The following SPOP variants were observed in gnomAD, a reference collection of about 807,000 sequenced individuals.
The protein encoded by SPOP is speckle type BTB/POZ protein.
In SPOP, 11 loss-of-function variants were observed where a neutral mutation model predicts 45.6. The observed-to-expected ratio is 0.24, with a 90% CI of 0.15 to 0.40. The LOEUF (loss-of-function observed/expected upper bound fraction) is 0.40. SPOP is among the 10% of genes least tolerant of loss of function. The pLI, the probability that SPOP is intolerant of heterozygous loss-of-function variation, is 1.00. For synonymous variants in SPOP, 166 were observed against 166.3 expected (o/e 1.00, Z 0.01); for missense variants, 152 against 465.6 (o/e 0.33, Z 6.20).
chr17:49,670,579 A>AT (rs1163330257), intron 1 of SPOP, among the ~76,000 whole-genome samples: 1 of 152,164 alleles, frequency 6.6e-6, no homozygotes, highest in Non-Finnish European at 1.5e-5. Context: ...CTAACAAAAC[A>AT]TTTTTTGCTA....
rs932403911 is a variant in SPOP, at chr17:49,622,629, T to C, written c.78+104A>G. 21 of 986,594 alleles carry C rather than the reference T, an allele frequency of 2.1e-5. 1 individual carries two copies. Among genetic ancestry groups the C allele is most frequent in the Non-Finnish European group, 2.7e-5 (17 of 625,544 alleles). The allele number at this position is 986,594 out of a possible 1,614,324, so 61.1% of individuals were successfully genotyped here. On this transcript the variant is annotated intron_variant, in intron 2 of 9. Coordinates refer to ENST00000504102, the MANE Select transcript of SPOP (RefSeq NM_001007228.2). ...ATCTATCTGCTCTTTGGCAGTTATG[T>C]TCCAGAGAAAGCAAGAAGCCCAATG...
At chr17:49,609,419 G>T (rs553357582) in intron 6 of SPOP, among the ~76,000 whole-genome samples, 1 of 152,196 alleles carries the variant, frequency 6.6e-6, no homozygotes, top group South Asian at 2.1e-4. Context: ...AAAGCAGCCA[G>T]GTCTTGAGGG....
At chr17:49,615,464 T>A (rs2072065410) in intron 5 of SPOP, among the ~76,000 whole-genome samples, 1 of 152,188 alleles carries the variant, frequency 6.6e-6, no homozygotes, top group Non-Finnish European at 1.5e-5. Context: ...AAATTTAAAA[T>A]GGAATTTAAA....
At position 49,671,374 on chromosome 17, in the gene SPOP, G is replaced by A. The variant is rs186558800; in HGVS notation, c.-67+6559C>T. On this transcript the variant is annotated intron_variant, in intron 1 of 9. Coordinates refer to ENST00000504102, the MANE Select transcript of SPOP (RefSeq NM_001007228.2). ...TTTTGCACCAACCTCATAATTTACT[G>A]AAAGGGAAGAAAATGTCATATACAT... Among the ~76,000 whole-genome samples the A allele has an allele frequency of 4.4e-4, 67 of 151,722 alleles. 1 individual carries two copies. The East Asian group carries it at 0.012, about 27-fold the overall frequency.
intron 1 of SPOP, among the ~76,000 whole-genome samples, chr17:49,648,357 CCA>C (rs746469595): frequency 1.3e-5 from 2 of 152,196 alleles, no homozygotes; most frequent in Non-Finnish European, 2.9e-5. Context: ...TCATCACCTA[CCA>C]CTCTCCCTTA....
intron 8 of SPOP, among the ~76,000 whole-genome samples, chr17:49,604,853 G>A (rs375671409): frequency 3.0e-4 from 45 of 152,230 alleles, no homozygotes; most frequent in African/African-American, 1.0e-3. Context: ...TGCGTTTTGG[G>A]GACCACTAAT....
chr17:49,620,828 T>G (rs2072208908), intron 3 of SPOP, among the ~76,000 whole-genome samples: 1 of 152,198 alleles, frequency 6.6e-6, no homozygotes, highest in Admixed American at 6.5e-5. Context: ...TGCACCTCTC[T>G]CAAACAGGTG....
chr17:49,641,650 G>A (rs921787994), intron 1 of SPOP, among the ~76,000 whole-genome samples: 2 of 151,730 alleles, frequency 1.3e-5, no homozygotes, highest in Non-Finnish European at 2.9e-5. Context: ...CAAGTTTCAG[G>A]TTTATGCACT....
At chr17:49,603,957 G>C (rs961891509) in intron 8 of SPOP, among the ~76,000 whole-genome samples, 3 of 152,310 alleles carry the variant, frequency 2.0e-5, no homozygotes, top group Non-Finnish European at 4.4e-5. Flanking sequence ...TGGCTAGGGA[G>C]CAAGAATGAA....
intron 1 of SPOP, among the ~76,000 whole-genome samples, chr17:49,629,426 C>T (rs1013734955): frequency 6.6e-6 from 1 of 152,020 alleles, no homozygotes; most frequent in Non-Finnish European, 1.5e-5. Context: ...TTACAAAGCC[C>T]AAAACTCCCA....
intron 1 of SPOP, among the ~76,000 whole-genome samples, chr17:49,659,837 C>A (rs1323858428): frequency 6.6e-6 from 1 of 152,168 alleles, no homozygotes; most frequent in Non-Finnish European, 1.5e-5. Context: ...TCCACACCTA[C>A]TCCTCCCATT....
intron 5 of SPOP, among the ~76,000 whole-genome samples, chr17:49,617,727 C>T (rs953178737): frequency 9.9e-5 from 15 of 151,856 alleles, no homozygotes; most frequent in Non-Finnish European, 1.6e-4. Flanking sequence ...AGTTCGAGAC[C>T]AGCCTGGCCA....
At chr17:49,618,475 C>G (rs2072137851) in intron 5 of SPOP, 1 of 450,716 alleles carries the variant, frequency 2.2e-6, no homozygotes, top group African/African-American at 2.0e-5. Flanking sequence ...TTTACATAGC[C>G]TTCACCCTAG....
chr17:49,614,267 AGAAT>A (rs1021122656), intron 5 of SPOP, among the ~76,000 whole-genome samples: 1 of 152,246 alleles, frequency 6.6e-6, no homozygotes, highest in Non-Finnish European at 1.5e-5. Context: ...CATCAACAAA[AGAAT>A]GAATAAATTA....
intron 3 of SPOP, among the ~76,000 whole-genome samples, chr17:49,621,374 T>G (rs1033248055): frequency 6.6e-5 from 10 of 152,198 alleles, no homozygotes; most frequent in African/African-American, 1.9e-4. Flanking sequence ...GCAGAGATGG[T>G]GTTCTTACTC....
At chr17:49,636,560 T>C (rs1427192539) in intron 1 of SPOP, among the ~76,000 whole-genome samples, 1 of 152,236 alleles carries the variant, frequency 6.6e-6, no homozygotes, top group Non-Finnish European at 1.5e-5. Context: ...ATAATTCTTA[T>C]TTTAAAAGAA....
chr17:49,669,737 C>T (rs1417325514), intron 1 of SPOP, among the ~76,000 whole-genome samples: 1 of 138,444 alleles, frequency 7.2e-6, no homozygotes, highest in Non-Finnish European at 1.5e-5. Context: ...TGTACTCCAG[C>T]CTGATGACAG....
At chr17:49,665,802 G>A (rs1324510744) in intron 1 of SPOP, among the ~76,000 whole-genome samples, 1 of 150,608 alleles carries the variant, frequency 6.6e-6, no homozygotes, top group Admixed American at 6.7e-5. Flanking sequence ...TGGCCAACAT[G>A]CTGAAACCCC....
At chr17:49,635,507 T>G (rs541269533) in intron 1 of SPOP, among the ~76,000 whole-genome samples, 1 of 152,270 alleles carries the variant, frequency 6.6e-6, no homozygotes, top group South Asian at 2.1e-4. Flanking sequence ...GGTGGAGAGT[T>G]TTTTTTCTGT....
Sources: gnomAD v4.1 joint callset for allele counts (sites outside exome capture counted in the v4.1 genomes callset) on GRCh38, gnomAD v4.1.1 for gene constraint, MANE v1.5 for transcripts, NCBI Gene and HGNC (gene_info 2026-07-23, HGNC 2026-07-21) for gene names.